The following ACAD11 variants were observed in gnomAD, a reference collection of about 807,000 sequenced individuals.
The protein encoded by ACAD11 is acyl-CoA dehydrogenase family member 11.
Under a neutral mutation model 102.2 loss-of-function variants are expected in ACAD11, and 83 were observed. That is an observed-to-expected ratio of 0.81 (90% confidence interval 0.68 to 0.97). ACAD11 has a LOEUF of 0.97. ACAD11 is among the 50% of genes least tolerant of loss of function. The probability of loss-of-function intolerance (pLI) is 0.00; values close to 1 mark genes in which losing one functional copy is unlikely to be tolerated. For missense variants in ACAD11, 901 were observed against 951.7 expected, an observed-to-expected ratio of 0.95 and a Z score of 0.70; for synonymous variants, 324 against 319.8, an observed-to-expected ratio of 1.01 and a Z score of -0.14.
At position 132,642,742 on chromosome 3, in the gene ACAD11, G is replaced by A; in HGVS notation, c.310C>T (p.Pro104Ser). The change falls in exon 3 of 20, where the codon CCT becomes TCT. Residue 104 changes from proline to serine, a missense_variant. Coordinates refer to ENST00000264990, the MANE Select transcript of ACAD11 (RefSeq NM_032169.5). ...GAAGTATCACTGCAGTACAGTATAG[G>A]CTTGGGAACGGGGAATCCAATTGAA... The part of the protein sequence containing the change: ...LFSIGFPVPK[P>S]ILYCSDTSVI... 6.2e-7 allele frequency: 1 copy of A among 1,613,448 alleles called. No homozygotes were observed. Among genetic ancestry groups the A allele is most frequent in the Non-Finnish European group, 8.5e-7 (1 of 1,179,724 alleles).
chr3:132,645,005 T>A (rs1940665925), intron 1 of ACAD11, 109 bp from the exon 2 acceptor site: 1 of 648,228 alleles, frequency 1.5e-6, no homozygotes, highest in Non-Finnish European at 2.6e-6. Flanking sequence ...TTCATCTCAA[T>A]GCTGGAAAAT....
chr3:132,614,898 A>G (rs1055569232), intron 11 of ACAD11, among the ~76,000 whole-genome samples: 1 of 152,206 alleles, frequency 6.6e-6, no homozygotes, highest in African/African-American at 2.4e-5. Context: ...CACCTACAGA[A>G]TGGGAGAAAA....
At chr3:132,591,336 G>A (rs1257073907) in intron 13 of ACAD11, among the ~76,000 whole-genome samples, 2 of 151,844 alleles carry the variant, frequency 1.3e-5, no homozygotes, top group Non-Finnish European at 2.9e-5. Context: ...CTTATTTCTG[G>A]GCTCTATTCT....
At chr3:132,626,634 A>G (rs1384100678) in intron 9 of ACAD11, 57 bp downstream of exon 9, 5 of 1,597,238 alleles carry the variant, frequency 3.1e-6, no homozygotes, top group Admixed American at 1.7e-5. Flanking sequence ...CAGAAATAAC[A>G]AAAGTATTCA....
At chr3:132,582,704 TA>T (rs1937622749) in intron 13 of ACAD11, among the ~76,000 whole-genome samples, 1 of 151,642 alleles carries the variant, frequency 6.6e-6, no homozygotes, top group Non-Finnish European at 1.5e-5. Context: ...ACACCTAAAA[TA>T]GATATTATCT....
intron 13 of ACAD11, among the ~76,000 whole-genome samples, chr3:132,583,979 C>G (rs955268480): frequency 2.0e-5 from 3 of 152,088 alleles, no homozygotes; most frequent in Non-Finnish European, 4.4e-5. Context: ...TTACTTCCAA[C>G]TATGTGGTCA....
intron 11 of ACAD11, among the ~76,000 whole-genome samples, chr3:132,615,758 C>T (rs1939382321): frequency 6.6e-6 from 1 of 152,086 alleles, no homozygotes; most frequent in African/African-American, 2.4e-5. Context: ...ATGTGTATAC[C>T]TACGTAACAA....
In ACAD11 at chr3:132,577,873, G is replaced by A. The variant is rs561570823; in HGVS notation, c.1775-858C>T. 3.9e-5 allele frequency among the ~76,000 whole-genome samples: 6 copies of A among 152,114 alleles called. No individual in the cohort carries two copies. In the East Asian group the frequency reaches 5.8e-4, roughly 15 times the overall value. On this transcript the variant is annotated intron_variant, in intron 15 of 19. Coordinates refer to ENST00000264990, the MANE Select transcript of ACAD11 (RefSeq NM_032169.5). ...ATAAACGCATTTTTGGTATCTTTGC[G>A]GCCGTTTCGCTGCAACCCAACAATT...
At chr3:132,626,359 TCTC>T (rs1939809324) in intron 9 of ACAD11, among the ~76,000 whole-genome samples, 1 of 151,898 alleles carries the variant, frequency 6.6e-6, no homozygotes, top group Non-Finnish European at 1.5e-5. Context: ...AGTCTACACT[TCTC>T]ATTAAATTCT....
intron 4 of ACAD11, among the ~76,000 whole-genome samples, chr3:132,640,101 A>G (rs1940431515): frequency 6.6e-6 from 1 of 152,072 alleles, no homozygotes; most frequent in African/African-American, 2.4e-5. Context: ...GGACTAGAAG[A>G]AAAAAGAAGA....
At chr3:132,656,949 T>C (rs991598699) in intron 1 of ACAD11, among the ~76,000 whole-genome samples, 5 of 152,118 alleles carry the variant, frequency 3.3e-5, no homozygotes, top group Admixed American at 2.0e-4. Flanking sequence ...ATTATAGTTA[T>C]ATTCTGAATA....
intron 5 of ACAD11, among the ~76,000 whole-genome samples, 162 bp from the exon 6 acceptor site, chr3:132,631,641 G>A (rs919964755): frequency 6.6e-6 from 1 of 152,158 alleles, no homozygotes; most frequent in African/African-American, 2.4e-5. Flanking sequence ...TAGCCAATTA[G>A]CCTTGATTAT....
chr3:132,628,429 A>T lies in ACAD11; in HGVS notation c.981T>A (p.Tyr327Ter). 1 of 1,606,058 alleles carries T rather than the reference A, an allele frequency of 6.2e-7. No homozygotes were observed. Among genetic ancestry groups the T allele is most frequent in the Non-Finnish European group, 8.5e-7 (1 of 1,174,348 alleles). Residue 327 changes from tyrosine to a stop codon, truncating the protein, a stop_gained, in exon 8 of 20, where the codon TAT becomes TAA. Transcript: ENST00000264990. LOFTEE classifies it high-confidence loss of function. ...AGIAQGVYSR[Y>*]LLGNNSSEDS... is the part of the protein sequence containing the mutation. Reference sequence around the variant, plus strand: ...CCTCAGATGAATTATTTCCCAGAAGATATCTGCTATATACTCCCTATAAAT... The same window carrying T: ...CCTCAGATGAATTATTTCCCAGAAGTTATCTGCTATATACTCCCTATAAAT...
chr3:132,608,461 A>G (rs59698254), intron 11 of ACAD11, among the ~76,000 whole-genome samples: 1,885 of 147,996 alleles, frequency 0.013, 40 homozygotes, highest in African/African-American at 0.045. Context: ...CAAAACAAAA[A>G]CAAACAAACA....
At chr3:132,619,817 G>T (rs949254128) in intron 9 of ACAD11, among the ~76,000 whole-genome samples, 1 of 152,112 alleles carries the variant, frequency 6.6e-6, no homozygotes, top group Non-Finnish European at 1.5e-5. Flanking sequence ...CATAGAAACT[G>T]CTCAACTAAA....
intron 17 of ACAD11, among the ~76,000 whole-genome samples, chr3:132,567,869 A>G (rs1401082344): frequency 1.3e-5 from 2 of 152,224 alleles, no homozygotes; most frequent in Non-Finnish European, 2.9e-5. Context: ...AGCCAGTGCA[A>G]TAAGACAAAG....
At chr3:132,614,535 T>C (rs985076681) in intron 11 of ACAD11, among the ~76,000 whole-genome samples, 1 of 152,082 alleles carries the variant, frequency 6.6e-6, no homozygotes, top group East Asian at 1.9e-4. Context: ...TCTACAACCA[T>C]CTGATCTTGG....
Position 132,626,794 on chromosome 3 carries a change from T to C in ACAD11, c.1094A>G (p.Gln365Arg). 6.2e-7 allele frequency: 1 copy of C among 1,613,654 alleles called. No individual in the cohort carries two copies. The highest frequency in any genetic ancestry group is 1.1e-5 in the South Asian group (1 of 91,068). The change falls in exon 9 of 20, where the codon CAG becomes CGG. Residue 365 changes from glutamine to arginine, a missense_variant. Transcript: ENST00000264990. ...AAACAACTGTCCAGTAGTATCAATCTGTGGTAGTACAGTACTGAAAGTTCT... is the reference window on the plus strand; with the variant it reads ...AAACAACTGTCCAGTAGTATCAATCCGTGGTAGTACAGTACTGAAAGTTCT... ...SKRTFSTVLPQIDTTGQLFVQ... is the reference protein window; with the variant it reads ...SKRTFSTVLPRIDTTGQLFVQ...
At chr3:132,583,386 C>T (rs919509924) in intron 13 of ACAD11, among the ~76,000 whole-genome samples, 7 of 151,882 alleles carry the variant, frequency 4.6e-5, no homozygotes, top group African/African-American at 1.2e-4. Flanking sequence ...TCTGTGGGAT[C>T]GGTGGTGATA....
Sources: allele counts gnomAD v4.1 joint callset (sites outside exome capture counted in the v4.1 genomes callset), GRCh38; gene constraint gnomAD v4.1.1; transcripts MANE v1.5; gene names NCBI Gene and HGNC (gene_info 2026-07-23, HGNC 2026-07-21).